PTPN23: variants seen among roughly 807,000 people sequenced by gnomAD.
The protein encoded by PTPN23 is protein tyrosine phosphatase non-receptor type 23, also known as tyrosine-protein phosphatase non-receptor type 23.
A neutral mutation model predicts 156.3 loss-of-function variants in PTPN23; 72 were observed. That is an observed-to-expected ratio of 0.46 (90% CI 0.38 to 0.56). The LOEUF is 0.56. PTPN23 is among the 20% of genes least tolerant of loss of function. The pLI, the probability that PTPN23 is intolerant of heterozygous loss-of-function variation, is 0.00. For missense variants in PTPN23, 1,974 were observed against 2,171.5 expected (o/e 0.91, Z 1.81); for synonymous variants, 957 against 899.6 (o/e 1.06, Z -1.14).
Position 47,410,345 on chromosome 3 carries a change from G to A in PTPN23, c.2547G>A (p.Val849=), listed in dbSNP as rs779729004. 1 of 1,608,078 alleles carries A rather than the reference G, an allele frequency of 6.2e-7. No individual in the cohort carries two copies. Among genetic ancestry groups the A allele is most frequent in the East Asian group, 2.2e-5 (1 of 44,682 alleles). Residue 849 remains valine, a synonymous_variant, in exon 20 of 25, where the codon GTG becomes GTA. Transcript: ENST00000265562. ...ATGGCGTGGTGAGCAGTCCCTATGTGGGGGTAGGGCCGGCCCCACCAGTTG... is the reference window on the plus strand; with the variant it reads ...ATGGCGTGGTGAGCAGTCCCTATGTAGGGGTAGGGCCGGCCCCACCAGTTG... ...PQHGVVSSPY[V]GVGPAPPVAG... is the part of the protein sequence containing the mutation.
At chr3:47,401,269 G>T (rs1704989274) in intron 2 of PTPN23, among the ~76,000 whole-genome samples, 1 of 152,074 alleles carries the variant, frequency 6.6e-6, no homozygotes, top group Non-Finnish European at 1.5e-5. Flanking sequence ...CATGATCATG[G>T]CTCACTGCAG....
rs762592142 is a variant in PTPN23, at chr3:47,409,690, A to T, written c.1985A>T (p.Tyr662Phe). Residue 662 changes from tyrosine (Y) to phenylalanine (F), a missense_variant, in exon 19 of 25, where the codon TAT becomes TTT. Tyr to Phe is a conservative substitution (Grantham distance 22). This residue lies in a region of PTPN23 where 726 missense variants were observed against 929.5 expected (regional missense o/e 0.78). Transcript: ENST00000265562. ...NSTLQTLVAS[Y>F]EAYEDLMKKS... is the part of the protein sequence containing the mutation. ...ACGCTGCAGACCCTGGTGGCCTCGT[A>T]TGAAGCCTATGAGGACCTGATGAAG... The T allele has an allele frequency of 6.2e-7, 1 of 1,609,798 alleles. No homozygotes were observed. Among genetic ancestry groups the T allele is most frequent in the Non-Finnish European group, 8.5e-7 (1 of 1,179,824 alleles).
At position 47,405,988 on chromosome 3, in the gene PTPN23, A is replaced by T; in HGVS notation, c.488A>T (p.Gln163Leu). ...GCCTACCTACGGGAGCACTTCCCTC[A>T]AGCCTACAGCGTCGACATGAGCCGC... ...AFAYLREHFP[Q>L]AYSVDMSRQI... Residue 163 changes from glutamine (Q) to leucine (L), a missense_variant, in exon 6 of 25, where the codon CAA becomes CTA. Gln to Leu is a moderately radical substitution (Grantham distance 113, BLOSUM62 -2). Around this residue, in one of 4 missense-constraint regions of PTPN23, gnomAD observed 726 missense variants for 929.5 expected, o/e 0.78. Coordinates refer to ENST00000265562, the MANE Select transcript of PTPN23 (RefSeq NM_015466.4). This position sits in a 1 kb window ranked among gnomAD's most constrained non-coding sequence, Gnocchi z 4.7. 6.2e-7 allele frequency: 1 copy of T among 1,613,826 alleles called. No individual in the cohort carries two copies.
At chr3:47,409,617 C>T (rs1705215502) in intron 18 of PTPN23, 38 bp from the exon 19 acceptor site, 1 of 1,612,554 alleles carries the variant, frequency 6.2e-7, no homozygotes, top group Admixed American at 1.7e-5. Flanking sequence ...GGAGCCCAGC[C>T]CCATGGTTCA....
At chr3:47,401,059 T>C (rs958479540) in intron 2 of PTPN23, among the ~76,000 whole-genome samples, 1 of 151,518 alleles carries the variant, frequency 6.6e-6, no homozygotes, top group Non-Finnish European at 1.5e-5. Flanking sequence ...CCCGTCACCA[T>C]GCCTGGCTAA....
chr3:47,382,680 C>CTTTTCTTTTTTTTTTT (rs1704570021), intron 1 of PTPN23, among the ~76,000 whole-genome samples: 1 of 58,646 alleles, frequency 1.7e-5, no homozygotes, highest in South Asian at 8.4e-4. Context: ...TTTTTCTTTT[C>CTTTTCTTTTTTTTTTT]TTTTTTTTTT....
At chr3:47,388,865 A>G (rs897140244) in intron 1 of PTPN23, among the ~76,000 whole-genome samples, 3 of 152,032 alleles carry the variant, frequency 2.0e-5, no homozygotes, top group African/African-American at 7.2e-5. Flanking sequence ...GGGTTTTGCC[A>G]TGTTGGACAG....
chr3:47,383,020 C>T (rs998498915), intron 1 of PTPN23, among the ~76,000 whole-genome samples: 2 of 152,006 alleles, frequency 1.3e-5, no homozygotes, highest in Non-Finnish European at 2.9e-5. Context: ...AGAATAGATC[C>T]GGTATCTTTT....
At chr3:47,408,046 G>T in intron 14 of PTPN23, 91 bp downstream of exon 14, 1 of 1,430,538 alleles carries the variant, frequency 7.0e-7, no homozygotes, top group Non-Finnish European at 9.6e-7. Context: ...GGAGAGGAAT[G>T]AAATGTCCAT....
chr3:47,399,466 T>G (rs941110229), intron 2 of PTPN23, among the ~76,000 whole-genome samples: 1 of 152,192 alleles, frequency 6.6e-6, no homozygotes, highest in Non-Finnish European at 1.5e-5. Context: ...AGGGTTTATT[T>G]GAACAAAGTT....
intron 1 of PTPN23, among the ~76,000 whole-genome samples, chr3:47,390,118 T>A (rs1343076336): frequency 1.3e-5 from 2 of 151,026 alleles, no homozygotes; most frequent in Non-Finnish European, 2.9e-5. Context: ...GGCACACAGC[T>A]GTAGTCCTAG....
chr3:47,410,695 C>T lies in PTPN23; in HGVS notation c.2897C>T (p.Ala966Val), dbSNP rs1228916203. The change falls in exon 20 of 25, where the codon GCG becomes GTG. Residue 966 changes from alanine to valine, a missense_variant. Physicochemically the swap from Ala to Val is moderately conservative, Grantham distance 64. This residue lies in a region of PTPN23 where 731 missense variants were observed against 669.1 expected (regional missense o/e 1.09). Transcript: ENST00000265562. The part of the protein sequence containing the change: ...QPHPQPHPSQ[A>V]FGPQPPQQPL... ...CATCCTCAGCCCCATCCTTCACAAG[C>T]GTTTGGGCCTCAGCCCCCACAGCAG... 2 of 1,604,968 alleles carry T rather than the reference C, an allele frequency of 1.2e-6. No individual in the cohort carries two copies. The highest frequency in any genetic ancestry group is 8.5e-7 in the Non-Finnish European group (1 of 1,176,252).
In PTPN23 at chr3:47,409,951, C is replaced by A; in HGVS notation, c.2153C>A (p.Pro718Gln). The change falls in exon 20 of 25, where the codon CCA (proline) becomes CAA (glutamine). Residue 718 changes from proline to glutamine, a missense_variant. Pro to Gln is a moderately conservative substitution (Grantham distance 76). Around this residue, in one of 4 missense-constraint regions of PTPN23, gnomAD observed 731 missense variants for 669.1 expected, o/e 1.09. Transcript: ENST00000265562. The stretch of plus-strand genomic sequence containing the variant: ...AGGGAGCTGAAGAAGAAGCCGCCGC[C>A]ACGGCCCACAGCCCCAAAGCCGCTG... ...LDRELKKKPP[P>Q]RPTAPKPLLP... 1 of 1,569,216 alleles carries A rather than the reference C, an allele frequency of 6.4e-7. No homozygotes were observed. The highest frequency in any genetic ancestry group is 1.7e-4 in the Middle Eastern group (1 of 5,770).
Position 47,407,335 on chromosome 3 carries a change from G to A in PTPN23, c.891G>A (p.Ala297=), listed in dbSNP as rs79728008. 18,793 of 1,613,940 alleles carry A rather than the reference G, an allele frequency of 0.012. 1,781 individuals carry two copies. The Admixed American group carries it at 0.19, about 16-fold the overall frequency. ...AKGQPDTVQD[A]LRFTMDVIGG... is the part of the protein sequence containing the mutation. Reference sequence around the variant, plus strand: ...GCCAGCCTGACACTGTGCAAGACGCGCTTCGCTTCACTATGGATGTCATTG... The same window carrying A: ...GCCAGCCTGACACTGTGCAAGACGCACTTCGCTTCACTATGGATGTCATTG... Residue 297 remains alanine (A), a synonymous_variant, in exon 11 of 25, where the codon GCG becomes GCA. Transcript: ENST00000265562. This position sits in a 1 kb window ranked among gnomAD's most constrained non-coding sequence, Gnocchi z 4.0.
Position 47,407,454 on chromosome 3 carries a change from A to AT in PTPN23, c.924-50dup. On this transcript the variant is annotated intron_variant, in intron 11 of 24. Coordinates refer to ENST00000265562, the MANE Select transcript of PTPN23 (RefSeq NM_015466.4). This position sits in a 1 kb window ranked among gnomAD's most constrained non-coding sequence, Gnocchi z 4.0. ...CATCTACATGGGAAGTAGGTTCTGGATCCCCACTGACACCCCGTGACTGCC... is the reference window on the plus strand; with the variant it reads ...CATCTACATGGGAAGTAGGTTCTGGATTCCCCACTGACACCCCGTGACTGCC... 1 of 1,607,924 alleles carries AT rather than the reference A, an allele frequency of 6.2e-7. No individual in the cohort carries two copies. Among genetic ancestry groups the AT allele is most frequent in the South Asian group, 1.1e-5 (1 of 90,880 alleles).
chr3:47,408,023 G>C, intron 14 of PTPN23, 68 bp downstream of exon 14: 1 of 1,520,702 alleles, frequency 6.6e-7, no homozygotes, highest in Non-Finnish European at 9.0e-7. Context: ...GGGCCCCAGG[G>C]CTGCCTATGC....
At chr3:47,386,924 T>C (rs778804046) in intron 1 of PTPN23, among the ~76,000 whole-genome samples, 2 of 152,224 alleles carry the variant, frequency 1.3e-5, no homozygotes, top group Admixed American at 6.5e-5. Flanking sequence ...ACTCAGGACG[T>C]AATAAAATAT....
At chr3:47,390,852 A>T (rs199870830) in intron 1 of PTPN23, among the ~76,000 whole-genome samples, 91 of 152,288 alleles carry the variant, frequency 6.0e-4, no homozygotes, top group African/African-American at 1.5e-3. Flanking sequence ...CCATATTTTT[A>T]AAAAATAGAA....
chr3:47,390,343 A>G (rs538858542), intron 1 of PTPN23, among the ~76,000 whole-genome samples: 1 of 152,054 alleles, frequency 6.6e-6, no homozygotes, highest in Non-Finnish European at 1.5e-5. Flanking sequence ...GGTGGCTGTG[A>G]TCCCTGGACG....
Sources: gnomAD v4.1 joint callset for allele counts (sites outside exome capture counted in the v4.1 genomes callset) on GRCh38, gnomAD v4.1.1 for gene constraint, gnomAD v4.1.1 regional missense constraint, Gnocchi (gnomAD v3.1) non-coding constraint, MANE v1.5 for transcripts, NCBI Gene and HGNC (gene_info 2026-07-23, HGNC 2026-07-21) for gene names.